Variants in WIPI2 observed in about 807,000 individuals in gnomAD.
WIPI2 encodes WD repeat domain, phosphoinositide interacting 2, also known as WD repeat domain phosphoinositide-interacting protein 2.
In WIPI2, 28 loss-of-function variants were observed where a neutral mutation model predicts 52.3. The ratio of observed to expected loss-of-function variants is 0.54; its 90% CI spans 0.40 to 0.73. The LOEUF is 0.73. WIPI2 is among the 30% of genes least tolerant of loss of function. The pLI, the probability that WIPI2 is intolerant of heterozygous loss-of-function variation, is 0.00. For missense variants in WIPI2, 506 were observed against 602.9 expected, an observed-to-expected ratio of 0.84 and a Z score of 1.68; for synonymous variants, 268 against 245.0, an observed-to-expected ratio of 1.09 and a Z score of -0.88.
chr7:5,226,050 C>A (rs1349479278), intron 9 of WIPI2, 120 bp downstream of exon 9: 14 of 1,003,510 alleles, frequency 1.4e-5, no homozygotes, highest in Non-Finnish European at 2.1e-5. Context: ...CAGTGAAGAC[C>A]CCGGAGCTGG....
chr7:5,213,641 A>G (rs1226960467), intron 3 of WIPI2, among the ~76,000 whole-genome samples: 15 of 151,446 alleles, frequency 9.9e-5, no homozygotes, highest in South Asian at 6.3e-4. Flanking sequence ...GCACGACACA[A>G]TTGCCTACGG....
intron 3 of WIPI2, among the ~76,000 whole-genome samples, chr7:5,204,095 C>T (rs377585658): frequency 1.3e-5 from 2 of 152,182 alleles, no homozygotes; most frequent in Non-Finnish European, 2.9e-5. Flanking sequence ...CATGGGAGGG[C>T]TGAGCCAGGT....
chr7:5,204,314 AAAATT>A (rs1404814046), intron 3 of WIPI2, among the ~76,000 whole-genome samples: 1 of 152,164 alleles, frequency 6.6e-6, no homozygotes, highest in African/African-American at 2.4e-5. Flanking sequence ...TAAAAATATA[AAAATT>A]AGCCGGACAT....
chr7:5,214,126 C>T (rs189486022), intron 3 of WIPI2: 50 of 445,268 alleles, frequency 1.1e-4, no homozygotes, highest in Admixed American at 2.7e-4. Context: ...CGTAGGCTAG[C>T]GCTCAGCACA....
chr7:5,213,928 A>G (rs1782685609), intron 3 of WIPI2, among the ~76,000 whole-genome samples: 1 of 152,052 alleles, frequency 6.6e-6, no homozygotes, highest in Non-Finnish European at 1.5e-5. Flanking sequence ...CTTGTGATCC[A>G]CCCACCTCGG....
rs1215130466 is a variant in WIPI2, at chr7:5,222,902, G to A, written c.740+230G>A. The A allele has an allele frequency of 2.4e-5, 11 of 455,472 alleles. No individual in the cohort carries two copies. The East Asian group carries it at 4.8e-4, about 20-fold the overall frequency. 28.2% of individuals were successfully genotyped at this position (455,472 alleles called of 1,614,324 possible). A position where few individuals can be genotyped will look rare whatever the true frequency, so the allele number is the denominator to read the frequency against. On this transcript the variant is annotated intron_variant, in intron 8 of 12. Coordinates refer to ENST00000288828, the MANE Select transcript of WIPI2 (RefSeq NM_015610.4). ...TGCGATCCCACCAGCTAGCGTGAGAGTTGTGAAGAGCTCACGCAACCAGGT... is the reference window on the plus strand; with the variant it reads ...TGCGATCCCACCAGCTAGCGTGAGAATTGTGAAGAGCTCACGCAACCAGGT...
In WIPI2 at chr7:5,190,530, C is replaced by G. The variant is rs1228227037; in HGVS notation, c.74+37C>G. 7 of 1,460,148 alleles carry G rather than the reference C, an allele frequency of 4.8e-6. No homozygotes were observed. In the African/African-American group the frequency reaches 5.9e-5, roughly 12 times the overall value. The allele number at this position is 1,460,148 out of a possible 1,614,324, so 90.4% of individuals were successfully genotyped here. A position where few individuals can be genotyped will look rare whatever the true frequency, so the allele number is the denominator to read the frequency against. ...GTCGGGGGTCGGAGTCGGGGTGAGG[C>G]CAGGGTCGGACCCGGGCTAGGGGGA... is the stretch of plus-strand genomic sequence containing the variant. On this transcript the variant is annotated intron_variant, in intron 1 of 12. Coordinates refer to ENST00000288828, the MANE Select transcript of WIPI2 (RefSeq NM_015610.4).
Position 5,227,131 on chromosome 7 carries a change from C to T in WIPI2, c.849-49C>T, listed in dbSNP as rs1788584566. On this transcript the variant is annotated intron_variant, in intron 9 of 12. Transcript: ENST00000288828. This position sits in a 1 kb window ranked among gnomAD's most constrained non-coding sequence, Gnocchi z 8.1. ...GTCTGTGTGAGTAGGGGGTGGCCGT[C>T]CCCCCAGGGAGGGTGCAGCTTCATG... The T allele has an allele frequency of 6.2e-7, 1 of 1,605,062 alleles. No homozygotes were observed.
At chr7:5,194,300 G>A (rs1016878827) in intron 2 of WIPI2, among the ~76,000 whole-genome samples, 6 of 152,170 alleles carry the variant, frequency 3.9e-5, no homozygotes, top group African/African-American at 1.4e-4. Flanking sequence ...CACAGTTGAG[G>A]TTGCTTTTGG....
At chr7:5,215,013 TAAAAAA>T (rs929383414) in intron 4 of WIPI2, among the ~76,000 whole-genome samples, 1 of 152,002 alleles carries the variant, frequency 6.6e-6, no homozygotes, top group Non-Finnish European at 1.5e-5. Context: ...AAATGTTACT[TAAAAAA>T]AATATATTTG....
At chr7:5,198,511 G>T (rs893706796) in intron 2 of WIPI2, among the ~76,000 whole-genome samples, 1 of 152,022 alleles carries the variant, frequency 6.6e-6, no homozygotes. Context: ...ACAGGTTTTC[G>T]CCATGTTGGC....
At chr7:5,199,345 GAA>G (rs1292050473) in intron 2 of WIPI2, among the ~76,000 whole-genome samples, 2 of 152,182 alleles carry the variant, frequency 1.3e-5, no homozygotes, top group South Asian at 4.1e-4. Flanking sequence ...TCCAGCCTCA[GAA>G]AAGTTTTATA....
At chr7:5,201,248 G>A (rs539010435) in intron 3 of WIPI2, among the ~76,000 whole-genome samples, 1 of 152,234 alleles carries the variant, frequency 6.6e-6, no homozygotes, top group Non-Finnish European at 1.5e-5. Context: ...CTGTTAAATT[G>A]TTGCTGGAGT....
intron 11 of WIPI2, among the ~76,000 whole-genome samples, chr7:5,229,005 G>A (rs1007109403): frequency 7.2e-5 from 11 of 151,854 alleles, no homozygotes; most frequent in South Asian, 2.1e-4. Context: ...GGAGTGAGCC[G>A]CTGCACCTAG....
chr7:5,225,472 G>T (rs1783383696), intron 8 of WIPI2, among the ~76,000 whole-genome samples: 1 of 152,118 alleles, frequency 6.6e-6, no homozygotes, highest in Admixed American at 6.6e-5. Context: ...TACTGAGGTT[G>T]CCGATTTACC....
chr7:5,220,807 T>A (rs1294172014), intron 7 of WIPI2, among the ~76,000 whole-genome samples: 1 of 151,696 alleles, frequency 6.6e-6, no homozygotes, highest in Non-Finnish European at 1.5e-5. Context: ...CTTTCTTTCT[T>A]TTTTTTGAGA....
intron 3 of WIPI2, among the ~76,000 whole-genome samples, chr7:5,203,433 T>C (rs551959392): frequency 7.5e-4 from 114 of 152,140 alleles, no homozygotes; most frequent in Non-Finnish European, 1.2e-3. Flanking sequence ...CGTTGCCAAC[T>C]ATAAACCACG....
At chr7:5,206,187 A>G (rs1416825367) in intron 3 of WIPI2, among the ~76,000 whole-genome samples, 3 of 152,132 alleles carry the variant, frequency 2.0e-5, no homozygotes, top group Non-Finnish European at 4.4e-5. Context: ...CTCTGGGGTC[A>G]TGTTCTACCT....
At chr7:5,217,429 CGAGGAGTTACA>C in intron 6 of WIPI2, 1 of 498,170 alleles carries the variant, frequency 2.0e-6, no homozygotes, top group Non-Finnish European at 3.7e-6. Context: ...CTCAGCCTCC[CGAGGAGTTACA>C]GTCATGCAAC....
Sources: gnomAD v4.1 joint callset for allele counts (sites outside exome capture counted in the v4.1 genomes callset) on GRCh38, gnomAD v4.1.1 for gene constraint, Gnocchi (gnomAD v3.1) non-coding constraint, MANE v1.5 for transcripts, NCBI Gene and HGNC (gene_info 2026-07-23, HGNC 2026-07-21) for gene names.